The following SLC27A6 variants were observed in gnomAD, a reference collection of about 807,000 sequenced individuals.
The protein encoded by SLC27A6 is solute carrier family 27 member 6, also known as long-chain fatty acid transport protein 6.
Under a neutral mutation model 63.9 loss-of-function variants are expected in SLC27A6, and 74 were observed. The ratio of observed to expected loss-of-function variants is 1.16; its 90% CI spans 0.96 to 1.40. The LOEUF is 1.40. Among genes scored for constraint, SLC27A6 ranks in the 40% most tolerant of loss-of-function variants. SLC27A6 has a pLI of 0.00. For missense variants in SLC27A6, 794 were observed against 732.9 expected, an observed-to-expected ratio of 1.08 and a Z score of -0.96; for synonymous variants, 287 against 260.8, an observed-to-expected ratio of 1.10 and a Z score of -0.97.
In SLC27A6 at chr5:129,027,118, C is replaced by T. The variant is rs201584963; in HGVS notation, c.1256-15C>T. ...TTTAATCAGATGGCTGCAAAAATGT[C>T]GTTCTTTCTTGCAGGAGAACCTGGA... is the stretch of plus-strand genomic sequence containing the variant. On this transcript the variant is annotated splice_polypyrimidine_tract_variant and intron_variant, in intron 6 of 9. Coordinates refer to ENST00000262462, the MANE Select transcript of SLC27A6 (RefSeq NM_001017372.3). The T allele has an allele frequency of 4.0e-5, 65 of 1,605,192 alleles. No homozygotes were observed. The highest frequency in any genetic ancestry group is 8.9e-5 in the East Asian group (4 of 44,784).
intron 4 of SLC27A6, among the ~76,000 whole-genome samples, chr5:129,006,454 T>A (rs1751542350): frequency 6.7e-6 from 1 of 148,576 alleles, no homozygotes; most frequent in Admixed American, 6.7e-5. Context: ...TGAGTGTGTG[T>A]GTGTGTGTGT....
intron 6 of SLC27A6, among the ~76,000 whole-genome samples, chr5:129,026,138 A>T (rs531056129): frequency 6.6e-6 from 1 of 152,202 alleles, no homozygotes; most frequent in East Asian, 1.9e-4. Context: ...TATTTTTTTT[A>T]AGAGCATTAA....
intron 4 of SLC27A6, among the ~76,000 whole-genome samples, chr5:129,002,281 A>G (rs1005018154): frequency 2.0e-5 from 3 of 152,230 alleles, no homozygotes; most frequent in Non-Finnish European, 4.4e-5. Context: ...AAACTGAAAT[A>G]TTCCAGTACT....
intron 4 of SLC27A6, among the ~76,000 whole-genome samples, chr5:129,003,961 C>A: frequency 7.9e-6 from 1 of 125,802 alleles, no homozygotes; most frequent in South Asian, 2.6e-4. Context: ...CAGTGAGACC[C>A]TGTCTCAAAA....
At chr5:129,006,020 A>G (rs1290590355) in intron 4 of SLC27A6, among the ~76,000 whole-genome samples, 21 of 146,806 alleles carry the variant, frequency 1.4e-4, no homozygotes, top group African/African-American at 5.1e-4. Flanking sequence ...CTTTATGATA[A>G]TATCTTATTA....
chr5:129,027,358 T>A, intron 7 of SLC27A6, 27 bp downstream of exon 7: 1 of 1,527,206 alleles, frequency 6.5e-7, no homozygotes, highest in Non-Finnish European at 9.1e-7. Context: ...GATCCATAGC[T>A]TGTTCTGTAA....
At chr5:129,023,951 C>T (rs907602304) in intron 6 of SLC27A6, among the ~76,000 whole-genome samples, 2 of 151,788 alleles carry the variant, frequency 1.3e-5, no homozygotes, top group Non-Finnish European at 2.9e-5. Context: ...TAAATAGGGT[C>T]GTATGGTATT....
chr5:129,005,465 T>G (rs549405609), intron 4 of SLC27A6, among the ~76,000 whole-genome samples: 1 of 152,302 alleles, frequency 6.6e-6, no homozygotes, highest in Non-Finnish European at 1.5e-5. Flanking sequence ...AGGAAAGGGT[T>G]CAGCAAGATT....
chr5:129,023,475 T>C (rs1452859927), intron 5 of SLC27A6, 145 bp from the exon 6 acceptor site: 1 of 511,138 alleles, frequency 2.0e-6, no homozygotes, highest in African/African-American at 2.0e-5. Flanking sequence ...TTGTCTTCAG[T>C]AAAAGTTGTT....
intron 4 of SLC27A6, among the ~76,000 whole-genome samples, chr5:128,993,237 A>G (rs981100233): frequency 1.3e-5 from 2 of 152,128 alleles, no homozygotes; most frequent in Non-Finnish European, 2.9e-5. Context: ...GCTTCTTGGA[A>G]AATTAGAAGC....
At chr5:129,002,445 GTTCCCTCTCTTGTTCC>G (rs56166646) in intron 4 of SLC27A6, among the ~76,000 whole-genome samples, 20 of 140,176 alleles carry the variant, frequency 1.4e-4, no homozygotes, top group South Asian at 1.1e-3. Context: ...TCCCTCCATT[GTTCCCTCTCTTGTTCC>G]TTCCCTCTCT....
At chr5:128,996,119 A>G (rs532756413) in intron 4 of SLC27A6, among the ~76,000 whole-genome samples, 1 of 152,320 alleles carries the variant, frequency 6.6e-6, no homozygotes, top group South Asian at 2.1e-4. Context: ...CTCGAATAGT[A>G]CAAAAGACAG....
intron 1 of SLC27A6, among the ~76,000 whole-genome samples, chr5:128,974,544 T>C (rs1326363796): frequency 6.6e-6 from 1 of 152,246 alleles, no homozygotes; most frequent in Non-Finnish European, 1.5e-5. Flanking sequence ...GGAGTCTCAT[T>C]TGTGAACAAT....
At chr5:129,023,253 G>C (rs978343864) in intron 5 of SLC27A6, among the ~76,000 whole-genome samples, 1 of 151,728 alleles carries the variant, frequency 6.6e-6, no homozygotes, top group Non-Finnish European at 1.5e-5. Flanking sequence ...TTCATTTCAA[G>C]GGCTATTTTA....
At chr5:128,992,161 CCTTTCCTT>C (rs1469897902) in intron 4 of SLC27A6, among the ~76,000 whole-genome samples, 2 of 117,124 alleles carry the variant, frequency 1.7e-5, no homozygotes, top group African/African-American at 8.0e-5. Context: ...TTGAGACCCA[CCTTTCCTT>C]GACTAGAGGA....
Position 129,033,146 on chromosome 5 carries a change from A to C in SLC27A6, c.1724A>C (p.His575Pro), listed in dbSNP as rs773609734. 2.5e-6 allele frequency: 4 copies of C among 1,608,780 alleles called. No individual in the cohort carries two copies. The South Asian group carries it at 4.4e-5, about 18-fold the overall frequency. The change falls in exon 10 of 10, where the codon CAT (histidine) becomes CCT (proline). Residue 575 changes from histidine to proline, a missense_variant. Transcript: ENST00000262462. ...ACAGGAACATTCAAACTATTGAAGC[A>C]TCAGTTGGTGGAAGATGGATTTAAT... ...EATGTFKLLK[H>P]QLVEDGFNPL...
At chr5:128,994,851 C>T (rs1300271801) in intron 4 of SLC27A6, among the ~76,000 whole-genome samples, 3 of 152,186 alleles carry the variant, frequency 2.0e-5, no homozygotes, top group Admixed American at 6.5e-5. Flanking sequence ...TTTATCCTTT[C>T]CCATCTCTCA....
At chr5:129,012,157 A>G (rs999628807) in intron 4 of SLC27A6, among the ~76,000 whole-genome samples, 2 of 151,228 alleles carry the variant, frequency 1.3e-5, no homozygotes, top group Non-Finnish European at 3.0e-5. Context: ...ATTCTGTCTT[A>G]TTTTTCTTAT....
chr5:129,010,995 AAT>A (rs1751707609), intron 4 of SLC27A6, among the ~76,000 whole-genome samples: 1 of 152,220 alleles, frequency 6.6e-6, no homozygotes, highest in South Asian at 2.1e-4. Flanking sequence ...ATAGAAAACT[AAT>A]AGAAGACTAT....
Sources: gnomAD v4.1 joint callset for allele counts (sites outside exome capture counted in the v4.1 genomes callset) on GRCh38, gnomAD v4.1.1 for gene constraint, MANE v1.5 for transcripts, NCBI Gene and HGNC (gene_info 2026-07-23, HGNC 2026-07-21) for gene names.